Variants in NODAL observed in about 807,000 individuals in gnomAD.
NODAL encodes nodal growth differentiation factor, also known as nodal homolog.
A neutral mutation model predicts 34.0 loss-of-function variants in NODAL; 12 were observed. The observed-to-expected ratio is 0.35, with a 90% CI of 0.23 to 0.57. The LOEUF is 0.57. Ranked by LOEUF, NODAL falls within the 20% of genes least tolerant of loss-of-function variation. The pLI, the probability that NODAL is intolerant of heterozygous loss-of-function variation, is 0.83. For synonymous variants in NODAL, 162 were observed against 186.4 expected, an observed-to-expected ratio of 0.87 and a Z score of 1.07; for missense variants, 390 against 444.2, an observed-to-expected ratio of 0.88 and a Z score of 1.10.
At chr10:70,438,154 C>T (rs1845380821) in intron 1 of NODAL, among the ~76,000 whole-genome samples, 1 of 151,988 alleles carries the variant, frequency 6.6e-6, no homozygotes, top group Non-Finnish European at 1.5e-5. Context: ...ATTAGCCAGG[C>T]ATGGTGGTGC....
At chr10:70,434,955 C>T (rs894031931) in intron 2 of NODAL, 2 of 331,606 alleles carry the variant, frequency 6.0e-6, no homozygotes, top group African/African-American at 4.2e-5. Context: ...CCCCAAAGTC[C>T]AGATTCTTCC....
At chr10:70,447,655 T>C (rs1282525084) in intron 1 of NODAL, among the ~76,000 whole-genome samples, 1 of 70,068 alleles carries the variant, frequency 1.4e-5, no homozygotes. Context: ...AGTGAGACCC[T>C]GTCTCAGGAA....
chr10:70,439,697 C>G lies in NODAL; in HGVS notation c.193+1778G>C, dbSNP rs147786845. Among the ~76,000 whole-genome samples the G allele has an allele frequency of 6.0e-3, 915 of 152,354 alleles. 10 individuals carry two copies. The highest frequency in any genetic ancestry group is 0.021 in the African/African-American group (861 of 41,582). On this transcript the variant is annotated intron_variant, in intron 1 of 2. Coordinates refer to ENST00000287139, the MANE Select transcript of NODAL (RefSeq NM_018055.5). The stretch of plus-strand genomic sequence containing the variant: ...GCCAGGACATCCCTTCTCCTCCAGT[C>G]TCCCTCCAGGCGGGCTCTTCCCACT...
upstream of NODAL, among the ~76,000 whole-genome samples, chr10:70,445,991 T>C (rs2132223311): frequency 6.6e-6 from 1 of 152,338 alleles, no homozygotes. Flanking sequence ...TGAACTTTCT[T>C]GGGCTCTGGC....
intron 1 of NODAL, among the ~76,000 whole-genome samples, chr10:70,440,631 C>G (rs928143202): frequency 4.6e-5 from 7 of 152,210 alleles, no homozygotes; most frequent in South Asian, 2.1e-4. Flanking sequence ...GGGGCTCCCT[C>G]TCCGCAGCAC....
upstream of NODAL, among the ~76,000 whole-genome samples, chr10:70,444,763 G>A (rs369844004): frequency 2.0e-5 from 3 of 152,270 alleles, no homozygotes; most frequent in South Asian, 2.1e-4. Flanking sequence ...TAGACTAAAC[G>A]AAATGAATGT....
intron 1 of NODAL, among the ~76,000 whole-genome samples, chr10:70,438,810 T>G (rs1411584062): frequency 6.6e-6 from 1 of 152,182 alleles, no homozygotes; most frequent in Non-Finnish European, 1.5e-5. Flanking sequence ...CATCTTAGAA[T>G]AAGGGTTCTA....
rs1845283171 is a variant in NODAL at position 70,432,713 on chromosome 10, A to G, written c.*223T>C. The G allele has an allele frequency of 3.4e-6, 2 of 594,218 alleles. No homozygotes were observed. The highest frequency in any genetic ancestry group is 5.4e-5 in the Admixed American group (2 of 37,034). 36.8% of individuals were successfully genotyped at this position (594,218 alleles called of 1,614,324 possible). ...AGAGAACATCCAGCCAGCCCCCTGC[A>G]CAGGCTTCTTCCTCCCTCTTCCTGA... On this transcript the variant is annotated 3_prime_UTR_variant, in exon 3 of 3. Coordinates refer to ENST00000287139, the MANE Select transcript of NODAL (RefSeq NM_018055.5).
chr10:70,436,376 G>A (rs1845353923), intron 1 of NODAL: 2 of 317,440 alleles, frequency 6.3e-6, no homozygotes, highest in Non-Finnish European at 1.2e-5. Context: ...TCCCATACAT[G>A]AAGTCTGACC....
upstream of NODAL, among the ~76,000 whole-genome samples, chr10:70,444,893 CCT>C (rs1845470983): frequency 6.6e-6 from 1 of 152,146 alleles, no homozygotes; most frequent in African/African-American, 2.4e-5. Context: ...CAGCCTCAGC[CCT>C]CTGTGTCAGA....
upstream of NODAL, among the ~76,000 whole-genome samples, chr10:70,445,831 A>T (rs902110739): frequency 6.6e-6 from 1 of 152,160 alleles, no homozygotes; most frequent in African/African-American, 2.4e-5. Flanking sequence ...TAAGACTTTT[A>T]AAAAAACTCT....
At chr10:70,438,689 G>T (rs1252239411) in intron 1 of NODAL, among the ~76,000 whole-genome samples, 1 of 152,204 alleles carries the variant, frequency 6.6e-6, no homozygotes, top group East Asian at 1.9e-4. Context: ...AGTGGGAAAG[G>T]CTGGGTAGGG....
intron 1 of NODAL, among the ~76,000 whole-genome samples, chr10:70,438,312 T>C (rs1192201388): frequency 6.6e-6 from 1 of 152,004 alleles, no homozygotes; most frequent in Non-Finnish European, 1.5e-5. Flanking sequence ...AGAAAAACTT[T>C]ATCTCAACTC....
intron 1 of NODAL, among the ~76,000 whole-genome samples, chr10:70,437,822 T>C (rs144199073): frequency 6.6e-6 from 1 of 152,238 alleles, no homozygotes; most frequent in Non-Finnish European, 1.5e-5. Context: ...TCCCAGCCTA[T>C]CTCCAGCAGC....
At chr10:70,446,413 C>A (rs780807323), upstream of NODAL, among the ~76,000 whole-genome samples, 80 of 152,270 alleles carry the variant, frequency 5.3e-4, no homozygotes, top group Non-Finnish European at 2.4e-4. Flanking sequence ...TTAGACCAGG[C>A]ACTTAGCATC....
chr10:70,441,377 G>GCAGCCC, intron 1 of NODAL, 98 bp downstream of exon 1: 1 of 1,377,252 alleles, frequency 7.3e-7, no homozygotes, highest in East Asian at 2.5e-5. Flanking sequence ...GCTCGGAGCC[G>GCAGCCC]CAGCCCCCAA....
upstream of NODAL, among the ~76,000 whole-genome samples, chr10:70,442,413 C>G (rs540663575): frequency 1.3e-5 from 2 of 152,196 alleles, no homozygotes; most frequent in African/African-American, 4.8e-5. Context: ...TGCCCACATC[C>G]CCCAATCCCT....
chr10:70,439,683 C>G (rs1026498322), intron 1 of NODAL, among the ~76,000 whole-genome samples: 2 of 152,204 alleles, frequency 1.3e-5, no homozygotes, highest in Non-Finnish European at 2.9e-5. Context: ...CCAGGACATC[C>G]CTTCTCCTCC....
upstream of NODAL, chr10:70,441,689 A>G (rs935221284): frequency 6.5e-7 from 1 of 1,548,068 alleles, no homozygotes; most frequent in Non-Finnish European, 8.7e-7. Flanking sequence ...CAGGCCTGAA[A>G]GCAGCACCTC....
Sources: gnomAD v4.1 joint callset for allele counts (sites outside exome capture counted in the v4.1 genomes callset) on GRCh38, gnomAD v4.1.1 for gene constraint, MANE v1.5 for transcripts, NCBI Gene and HGNC (gene_info 2026-07-23, HGNC 2026-07-21) for gene names.